The following COPS3 variants were observed in gnomAD, a reference collection of about 807,000 sequenced individuals.
COPS3 encodes COP9 signalosome subunit 3.
A neutral mutation model predicts 58.2 loss-of-function variants in COPS3; 10 were observed. That is an observed-to-expected ratio of 0.17 (90% CI 0.11 to 0.29). The LOEUF is 0.29. Ranked by LOEUF, COPS3 falls within the 10% of genes least tolerant of loss-of-function variation. The probability of loss-of-function intolerance (pLI) is 1.00; values close to 1 mark genes in which losing one functional copy is unlikely to be tolerated. For synonymous variants in COPS3, 187 were observed against 181.7 expected (o/e 1.03, Z -0.24); for missense variants, 333 against 510.1 (o/e 0.65, Z 3.34).
rs2145177808 is a variant in COPS3 at position 17,246,918 on chromosome 17, G to GT, written c.*179dup. 1 of 604,780 alleles carries GT rather than the reference G, an allele frequency of 1.7e-6. No individual in the cohort carries two copies. The highest frequency in any genetic ancestry group is 2.7e-5 in the East Asian group (1 of 36,660). 37.5% of individuals were successfully genotyped at this position (604,780 alleles called of 1,614,324 possible). ...GACAGACTTTAAAGTTTGCAAATCT[G>GT]TTTCCTTTCTTTGCAGAGAAAATGG... On this transcript the variant is annotated 3_prime_UTR_variant, in exon 12 of 12. Coordinates refer to ENST00000268717, the MANE Select transcript of COPS3 (RefSeq NM_003653.4).
intron 7 of COPS3, 84 bp downstream of exon 7, chr17:17,261,882 C>T (rs537774731): frequency 4.8e-6 from 6 of 1,246,436 alleles, no homozygotes; most frequent in South Asian, 4.5e-5. Context: ...CAGTATAAAA[C>T]GAAGTTACAG....
intron 8 of COPS3, 72 bp from the exon 9 acceptor site, chr17:17,255,017 A>G: frequency 2.7e-6 from 3 of 1,109,530 alleles, no homozygotes; most frequent in Non-Finnish European, 2.7e-6. Context: ...ATGTGTACAG[A>G]GCGGCCAGGC....
chr17:17,254,737 G>A, intron 9 of COPS3, 122 bp downstream of exon 9: 1 of 552,956 alleles, frequency 1.8e-6, no homozygotes, highest in Non-Finnish European at 3.1e-6. Context: ...TTGAATCCGG[G>A]AGGTGGAGGT....
chr17:17,262,072 A>G lies in COPS3; in HGVS notation c.656T>C (p.Ile219Thr). 6.2e-7 allele frequency: 1 copy of G among 1,611,852 alleles called. No homozygotes were observed. The highest frequency in any genetic ancestry group is 8.5e-7 in the Non-Finnish European group (1 of 1,179,342). The change falls in exon 7 of 12, where the codon ATC becomes ACC. Residue 219 changes from isoleucine to threonine, a missense_variant. By Grantham distance (89) the Ile-to-Thr change is moderately conservative. Coordinates refer to ENST00000268717, the MANE Select transcript of COPS3 (RefSeq NM_003653.4). Reference sequence around the variant, plus strand: ...ATACTTTTTATATGATTCCAACATGATATGACTGACCGCCATGGCAGGAGT... The same window carrying G: ...ATACTTTTTATATGATTCCAACATGGTATGACTGACCGCCATGGCAGGAGT... ...ITTPAMAVSH[I>T]MLESYKKYIL...
Position 17,276,146 on chromosome 17 carries a change from C to T in COPS3, c.74G>A (p.Cys25Tyr). The change falls in exon 2 of 12, where the codon TGT (cysteine) becomes TAT (tyrosine). Residue 25 changes from cysteine to tyrosine, a missense_variant. Cys to Tyr is a radical substitution (Grantham distance 194). Transcript: ENST00000268717. ...LSAQGQMTQL[C>Y]ELINKSGELL... ...TTCCCCACTCTTGTTGATCAGTTCA[C>T]AAAGCTGTGTCATTTGCCCTGGAAA... is the stretch of plus-strand genomic sequence containing the variant. 1.9e-6 allele frequency: 3 copies of T among 1,613,908 alleles called. No homozygotes were observed. Among genetic ancestry groups the T allele is most frequent in the Non-Finnish European group, 2.5e-6 (3 of 1,179,886 alleles).
intron 6 of COPS3, among the ~76,000 whole-genome samples, chr17:17,263,949 T>C (rs1281829452): frequency 1.3e-5 from 2 of 152,212 alleles, no homozygotes; most frequent in Non-Finnish European, 2.9e-5. Context: ...TCCGAATGCG[T>C]AGTCTTAAAG....
chr17:17,248,141 C>T (rs1426395107), intron 10 of COPS3, among the ~76,000 whole-genome samples: 1 of 152,168 alleles, frequency 6.6e-6, no homozygotes, highest in Non-Finnish European at 1.5e-5. Flanking sequence ...CCTAACCTCC[C>T]AACCTGGAAC....
In COPS3 at chr17:17,276,184, C is replaced by G; in HGVS notation, c.56-20G>C. ...TTTGCCCTGGAAAACAGGAACAACA[C>G]TATTGCATTTCAGCTACAGCACTAA... On this transcript the variant is annotated intron_variant, in intron 1 of 11. Coordinates refer to ENST00000268717, the MANE Select transcript of COPS3 (RefSeq NM_003653.4). 7 of 1,612,918 alleles carry G rather than the reference C, an allele frequency of 4.3e-6. No homozygotes were observed. The highest frequency in any genetic ancestry group is 5.9e-6 in the Non-Finnish European group (7 of 1,179,246).
At chr17:17,251,440 G>A (rs1256831785) in intron 9 of COPS3, among the ~76,000 whole-genome samples, 5 of 151,802 alleles carry the variant, frequency 3.3e-5, no homozygotes, top group East Asian at 1.9e-4. Context: ...GATTACAGGC[G>A]CCCGCCATCA....
chr17:17,265,103 A>C, intron 5 of COPS3, 122 bp from the exon 6 acceptor site: 1 of 841,196 alleles, frequency 1.2e-6, no homozygotes, highest in Non-Finnish European at 1.9e-6. Context: ...CATTTTATTG[A>C]CTAAAATTAT....
chr17:17,255,318 CAAAAAAA>C (rs2047943603), intron 8 of COPS3, among the ~76,000 whole-genome samples: 1 of 132,982 alleles, frequency 7.5e-6, no homozygotes, highest in Non-Finnish European at 1.7e-5. Context: ...AAACAAAAAA[CAAAAAAA>C]GAATTAGCCA....
At chr17:17,275,100 T>C (rs572834559) in intron 2 of COPS3, among the ~76,000 whole-genome samples, 5 of 150,314 alleles carry the variant, frequency 3.3e-5, no homozygotes, top group Non-Finnish European at 7.4e-5. Flanking sequence ...ACTGATTTTT[T>C]TTTTTTTTTT....
rs755491674 is a variant in COPS3, at chr17:17,267,864, TCACA to T, written c.441+17_441+20del. The T allele has an allele frequency of 6.2e-7, 1 of 1,611,850 alleles. No individual in the cohort carries two copies. The highest frequency in any genetic ancestry group is 8.5e-7 in the Non-Finnish European group (1 of 1,178,736). On this transcript the variant is annotated intron_variant, in intron 5 of 11. Coordinates refer to ENST00000268717, the MANE Select transcript of COPS3 (RefSeq NM_003653.4). ...ACCTACACCTCTGACTTGGTGTGAA[TCACA>T]CACTTTGGTTGCTTACCTGGCAGAG...
intron 10 of COPS3, 40 bp from the exon 11 acceptor site, chr17:17,247,600 T>A: frequency 1.3e-6 from 2 of 1,591,818 alleles, no homozygotes; most frequent in Non-Finnish European, 1.7e-6. Context: ...AGCGGCGGGT[T>A]TAGGTCAGCT....
Position 17,248,911 on chromosome 17 carries a change from G to A in COPS3, c.1137+15C>T. On this transcript the variant is annotated intron_variant, in intron 10 of 11. Coordinates refer to ENST00000268717, the MANE Select transcript of COPS3 (RefSeq NM_003653.4). Reference sequence around the variant, plus strand: ...CCATCAATTAAAAAAATAAAAACCTGGCATTCATGTTTACCTCCTGATCAA... The same window carrying A: ...CCATCAATTAAAAAAATAAAAACCTAGCATTCATGTTTACCTCCTGATCAA... 1 of 1,416,196 alleles carries A rather than the reference G, an allele frequency of 7.1e-7. No homozygotes were observed. Among genetic ancestry groups the A allele is most frequent in the Non-Finnish European group, 9.7e-7 (1 of 1,027,890 alleles). 87.7% of individuals were successfully genotyped at this position (1,416,196 alleles called of 1,614,324 possible). A position where few individuals can be genotyped will look rare whatever the true frequency, so the allele number is the denominator to read the frequency against.
chr17:17,275,952 A>C, intron 2 of COPS3, 83 bp downstream of exon 2: 1 of 1,312,558 alleles, frequency 7.6e-7, no homozygotes, highest in South Asian at 1.6e-5. Context: ...AAAAAATATA[A>C]ATAAATAAAT....
intron 9 of COPS3, among the ~76,000 whole-genome samples, chr17:17,250,759 G>C (rs2047825363): frequency 6.6e-6 from 1 of 152,198 alleles, no homozygotes; most frequent in South Asian, 2.1e-4. Flanking sequence ...TTTGTTAGCA[G>C]TGAAACTGCT....
At chr17:17,256,768 T>C (rs146766546) in intron 8 of COPS3, among the ~76,000 whole-genome samples, 4 of 152,220 alleles carry the variant, frequency 2.6e-5, no homozygotes, top group Non-Finnish European at 5.9e-5. Flanking sequence ...TTGTTTTATT[T>C]TTTGTAGAGA....
At chr17:17,280,733 G>A (rs1294280878) in intron 1 of COPS3, 1 of 1,245,284 alleles carries the variant, frequency 8.0e-7, no homozygotes, top group South Asian at 1.4e-5. Context: ...TAGTCAGCAA[G>A]CTGCGGATCG....
Sources: gnomAD v4.1 joint callset for allele counts (sites outside exome capture counted in the v4.1 genomes callset) on GRCh38, gnomAD v4.1.1 for gene constraint, MANE v1.5 for transcripts, NCBI Gene and HGNC (gene_info 2026-07-23, HGNC 2026-07-21) for gene names.